Variants in RNF216 observed in about 807,000 individuals in gnomAD.
RNF216 encodes E3 ubiquitin-protein ligase RNF216.
In RNF216, 72 loss-of-function variants were observed where a neutral mutation model predicts 110.8. The ratio of observed to expected loss-of-function variants is 0.65; its 90% CI spans 0.54 to 0.79. RNF216 has a LOEUF of 0.79. RNF216 is among the 30% of genes least tolerant of loss of function. The probability of loss-of-function intolerance (pLI) is 0.00; values close to 1 mark genes in which losing one functional copy is unlikely to be tolerated. For synonymous variants in RNF216, 495 were observed against 407.5 expected, an observed-to-expected ratio of 1.21 and a Z score of -2.59; for missense variants, 1,342 against 1,141.2, an observed-to-expected ratio of 1.18 and a Z score of -2.54.
intron 13 of RNF216, among the ~76,000 whole-genome samples, chr7:5,668,282 G>A (rs1195643048): frequency 2.7e-5 from 4 of 149,912 alleles, no homozygotes. Context: ...GGAGTGCAGT[G>A]GCGCAATCTT....
rs776809455 is a variant in RNF216 at position 5,715,138 on chromosome 7, T to C, written c.1748A>G (p.Glu583Gly). Reference sequence around the variant, plus strand: ...GTGAGCATCTGCGCACTGCGTCAGCTCCTCGAATGGAAATTCCCCATAGCA... The same window carrying C: ...GTGAGCATCTGCGCACTGCGTCAGCCCCTCGAATGGAAATTCCCCATAGCA... Reference protein sequence around the residue: ...RCCYGEFPFEELTQCADAHLF... With the variant: ...RCCYGEFPFEGLTQCADAHLF... Residue 583 changes from glutamate (E) to glycine (G), a missense_variant, in exon 11 of 17, where the codon GAG becomes GGG. Coordinates refer to ENST00000389902, the MANE Select transcript of RNF216 (RefSeq NM_207111.4). The C allele has an allele frequency of 6.2e-7, 1 of 1,613,930 alleles. No individual in the cohort carries two copies. The highest frequency in any genetic ancestry group is 2.2e-5 in the East Asian group (1 of 44,888).
chr7:5,738,582 C>T (rs1392617226), intron 5 of RNF216, among the ~76,000 whole-genome samples: 1 of 151,748 alleles, frequency 6.6e-6, no homozygotes, highest in Non-Finnish European at 1.5e-5. Context: ...CTGGCAGGCG[C>T]CTGTAGTCCC....
At position 5,752,899 on chromosome 7, in the gene RNF216, C is replaced by A. The variant is rs763604028; in HGVS notation, c.148G>T (p.Ala50Ser). ...EERIPMLVTP[A>S]PQQHEEEDLD... Reference sequence around the variant, plus strand: ...TCCTCTTCTTCATGCTGCTGAGGAGCTGGGGTGACCAGCATTGGAATCCTT... The same window carrying A: ...TCCTCTTCTTCATGCTGCTGAGGAGATGGGGTGACCAGCATTGGAATCCTT... Residue 50 changes from alanine to serine, a missense_variant, in exon 3 of 17, where the codon GCT (alanine) becomes TCT (serine). Transcript: ENST00000389902. 2.5e-6 allele frequency: 4 copies of A among 1,612,224 alleles called. No homozygotes were observed. Among genetic ancestry groups the A allele is most frequent in the Non-Finnish European group, 3.4e-6 (4 of 1,179,280 alleles).
chr7:5,717,432 C>A (rs1419378917), intron 9 of RNF216, among the ~76,000 whole-genome samples: 2 of 152,220 alleles, frequency 1.3e-5, no homozygotes, highest in Non-Finnish European at 2.9e-5. Context: ...GGCACCCCCA[C>A]ACATTACTGG....
At chr7:5,755,100 G>GAGGAAAGGA (rs1181839835) in intron 2 of RNF216, among the ~76,000 whole-genome samples, 1 of 147,614 alleles carries the variant, frequency 6.8e-6, no homozygotes, top group African/African-American at 2.6e-5. Context: ...GAGAAGAGAG[G>GAGGAAAGGA]AGGAAAGGAA....
intron 1 of RNF216, among the ~76,000 whole-genome samples, chr7:5,770,422 A>G (rs1584616088): frequency 6.6e-6 from 1 of 151,734 alleles, no homozygotes; most frequent in East Asian, 1.9e-4. Flanking sequence ...GATCATGCCA[A>G]TGCACTCCAG....
At chr7:5,630,150 C>T (rs1251313577) in intron 15 of RNF216, among the ~76,000 whole-genome samples, 2 of 152,044 alleles carry the variant, frequency 1.3e-5, no homozygotes, top group East Asian at 1.9e-4. Context: ...CCTGCTGTCT[C>T]GGGGCTGAGT....
intron 14 of RNF216, among the ~76,000 whole-genome samples, chr7:5,647,526 G>T (rs1788129264): frequency 6.6e-6 from 1 of 151,818 alleles, no homozygotes. Flanking sequence ...TACAGAGAGG[G>T]TCTCACTTTG....
chr7:5,757,579 T>C (rs1305902946), intron 2 of RNF216, among the ~76,000 whole-genome samples: 6 of 152,220 alleles, frequency 3.9e-5, no homozygotes, highest in Admixed American at 2.6e-4. Context: ...GAGTTACTGA[T>C]ATATGCAACA....
rs1786384592 is a variant in RNF216, at chr7:5,621,845, A to C, written c.*1015T>G. 6.6e-6 allele frequency: 1 copy of C among 152,296 alleles called. No individual in the cohort carries two copies. The highest frequency in any genetic ancestry group is 1.5e-5 in the Non-Finnish European group (1 of 68,176). 9.4% of individuals were successfully genotyped at this position (152,296 alleles called of 1,614,324 possible). ...GTGGGGACATGGCAGGGCTGAGCTG[A>C]TGCTCAGCTGACTCCATGAGAAGGG... On this transcript the variant is annotated 3_prime_UTR_variant, in exon 17 of 17. Coordinates refer to ENST00000389902, the MANE Select transcript of RNF216 (RefSeq NM_207111.4).
chr7:5,763,001 A>G (rs1178748841), intron 1 of RNF216, among the ~76,000 whole-genome samples: 1 of 152,216 alleles, frequency 6.6e-6, no homozygotes, highest in Non-Finnish European at 1.5e-5. Flanking sequence ...TGGACCAGCA[A>G]TGGAACAGAA....
intron 3 of RNF216, among the ~76,000 whole-genome samples, chr7:5,747,963 A>G (rs1225396368): frequency 6.6e-6 from 1 of 151,908 alleles, no homozygotes; most frequent in Non-Finnish European, 1.5e-5. Context: ...AGGTTAAGGA[A>G]ACAAAAATCA....
At chr7:5,725,211 T>G (rs1793675257) in intron 8 of RNF216, 113 bp downstream of exon 8, 2 of 623,934 alleles carry the variant, frequency 3.2e-6, no homozygotes, top group Non-Finnish European at 5.7e-6. Flanking sequence ...CTCCTTGGAC[T>G]GGCCTGTCCA....
chr7:5,715,143 G>A lies in RNF216; in HGVS notation c.1743C>T (p.Phe581=), dbSNP rs1398305387. 6 of 1,613,772 alleles carry A rather than the reference G, an allele frequency of 3.7e-6. No individual in the cohort carries two copies. The highest frequency in any genetic ancestry group is 1.1e-5 in the South Asian group (1 of 91,072). The change falls in exon 11 of 17, where the codon TTC becomes TTT. Residue 581 remains phenylalanine, a synonymous_variant. Coordinates refer to ENST00000389902, the MANE Select transcript of RNF216 (RefSeq NM_207111.4). ...ECRCCYGEFP[F]EELTQCADAH... ...CATCTGCGCACTGCGTCAGCTCCTC[G>A]AATGGAAATTCCCCATAGCAGCAGC...
At chr7:5,640,060 ATTTTTT>A (rs572182905) in intron 15 of RNF216, among the ~76,000 whole-genome samples, 4 of 138,856 alleles carry the variant, frequency 2.9e-5, no homozygotes, top group Non-Finnish European at 4.7e-5. Flanking sequence ...CGCCCGGCCA[ATTTTTT>A]TTTTTTTTTT....
At chr7:5,643,469 G>A (rs1354793883) in intron 14 of RNF216, among the ~76,000 whole-genome samples, 4 of 151,876 alleles carry the variant, frequency 2.6e-5, no homozygotes, top group East Asian at 3.9e-4. Flanking sequence ...CTGACCTTGC[G>A]CTCACACAGG....
chr7:5,757,788 A>G (rs28592990), intron 2 of RNF216, among the ~76,000 whole-genome samples: 20,967 of 152,248 alleles, frequency 0.14, 2,322 homozygotes, highest in African/African-American at 0.31. Context: ...AAAATGTTCC[A>G]TATCATAATT....
At chr7:5,644,729 T>C (rs951958087) in intron 14 of RNF216, among the ~76,000 whole-genome samples, 2 of 152,136 alleles carry the variant, frequency 1.3e-5, no homozygotes, top group Non-Finnish European at 2.9e-5. Context: ...GGTCTTAAAC[T>C]CCTGGGCTTA....
At chr7:5,722,128 T>C (rs915480486) in intron 8 of RNF216, among the ~76,000 whole-genome samples, 1 of 152,120 alleles carries the variant, frequency 6.6e-6, no homozygotes, top group Non-Finnish European at 1.5e-5. Context: ...TTTTGCCATG[T>C]TGTCCAGGCT....
Sources: gnomAD v4.1 joint callset for allele counts (sites outside exome capture counted in the v4.1 genomes callset) on GRCh38, gnomAD v4.1.1 for gene constraint, MANE v1.5 for transcripts, NCBI Gene and HGNC (gene_info 2026-07-23, HGNC 2026-07-21) for gene names.